CCSER1: variants seen among roughly 807,000 people sequenced by gnomAD.
CCSER1 encodes the protein coiled-coil serine rich protein 1.
A neutral mutation model predicts 82.0 loss-of-function variants in CCSER1; 41 were observed. The ratio of observed to expected loss-of-function variants is 0.50; its 90% CI spans 0.39 to 0.65. The LOEUF (loss-of-function observed/expected upper bound fraction) is 0.65, where lower values mean the gene tolerates loss of function less well. Ranked by LOEUF, CCSER1 falls within the 30% of genes least tolerant of loss-of-function variation. The probability of loss-of-function intolerance (pLI) is 0.00; values close to 1 mark genes in which losing one functional copy is unlikely to be tolerated. For missense variants in CCSER1, 1,119 were observed against 1,064.2 expected, an observed-to-expected ratio of 1.05 and a Z score of -0.72; for synonymous variants, 414 against 383.9, an observed-to-expected ratio of 1.08 and a Z score of -0.92.
intron 10 of CCSER1, among the ~76,000 whole-genome samples, chr4:91,311,281 G>A (rs991542914): frequency 8.6e-5 from 13 of 151,846 alleles, no homozygotes; most frequent in Admixed American, 2.0e-4. Flanking sequence ...AAAGTGGTCT[G>A]CAAACTTAGG....
chr4:90,730,224 A>G (rs1236864055), intron 7 of CCSER1, among the ~76,000 whole-genome samples: 1 of 152,224 alleles, frequency 6.6e-6, no homozygotes, highest in Non-Finnish European at 1.5e-5. Flanking sequence ...CATGACCTTC[A>G]CAACATCATC....
chr4:90,516,190 T>C (rs370953512), intron 5 of CCSER1, among the ~76,000 whole-genome samples: 1 of 152,134 alleles, frequency 6.6e-6, no homozygotes, highest in Non-Finnish European at 1.5e-5. Context: ...AGCCAGGTCA[T>C]GAATAAGAGA....
At chr4:91,379,300 T>A (rs1458399690) in intron 10 of CCSER1, among the ~76,000 whole-genome samples, 3 of 152,194 alleles carry the variant, frequency 2.0e-5, no homozygotes, top group African/African-American at 7.2e-5. Context: ...CTTTTTCTAT[T>A]GATTGGAATA....
chr4:91,435,277 A>C (rs913120891), intron 10 of CCSER1, among the ~76,000 whole-genome samples: 2 of 151,984 alleles, frequency 1.3e-5, no homozygotes, highest in Non-Finnish European at 2.9e-5. Flanking sequence ...CTGTCTCTAC[A>C]AAAAATATTT....
At chr4:90,542,068 G>A (rs1479124162) in intron 5 of CCSER1, among the ~76,000 whole-genome samples, 2 of 151,802 alleles carry the variant, frequency 1.3e-5, no homozygotes, top group Admixed American at 6.6e-5. Flanking sequence ...ATAGTCATAC[G>A]ACTCAATATT....
chr4:90,742,940 T>A (rs575768899), intron 7 of CCSER1, among the ~76,000 whole-genome samples: 1 of 152,314 alleles, frequency 6.6e-6, no homozygotes, highest in East Asian at 1.9e-4. Context: ...AATATTTTGA[T>A]TTTTTTAAGA....
intron 9 of CCSER1, among the ~76,000 whole-genome samples, chr4:90,945,373 A>G (rs1364150802): frequency 6.6e-6 from 1 of 152,134 alleles, no homozygotes; most frequent in Non-Finnish European, 1.5e-5. Flanking sequence ...TTCCTTCTTT[A>G]TTATGTCTTT....
At chr4:90,215,258 G>A (rs551847362) in intron 1 of CCSER1, among the ~76,000 whole-genome samples, 85 of 152,280 alleles carry the variant, frequency 5.6e-4, no homozygotes, top group African/African-American at 1.9e-3. Flanking sequence ...TTACATTGTA[G>A]CCTTTCTTTA....
chr4:90,905,171 T>C (rs747780949), intron 8 of CCSER1, among the ~76,000 whole-genome samples: 12 of 152,144 alleles, frequency 7.9e-5, no homozygotes, highest in Non-Finnish European at 1.8e-4. Context: ...CTAAATTTCC[T>C]TTCTCCGATA....
chr4:91,004,278 T>A (rs1738310579), intron 9 of CCSER1, among the ~76,000 whole-genome samples: 1 of 152,178 alleles, frequency 6.6e-6, no homozygotes, highest in African/African-American at 2.4e-5. Flanking sequence ...CTCATCTTAA[T>A]GGAAAGACGA....
intron 5 of CCSER1, among the ~76,000 whole-genome samples, chr4:90,489,395 G>A (rs894893740): frequency 2.0e-5 from 3 of 152,098 alleles, no homozygotes; most frequent in African/African-American, 7.2e-5. Flanking sequence ...CAGTTTTAGG[G>A]AGTATATAGG....
intron 6 of CCSER1, among the ~76,000 whole-genome samples, chr4:90,633,610 A>G (rs1388344684): frequency 6.6e-6 from 1 of 152,012 alleles, no homozygotes; most frequent in Non-Finnish European, 1.5e-5. Context: ...TTTTGTTTTC[A>G]CTGAACATCA....
At chr4:91,073,915 A>AT (rs907660378) in intron 9 of CCSER1, among the ~76,000 whole-genome samples, 7 of 152,048 alleles carry the variant, frequency 4.6e-5, no homozygotes, top group African/African-American at 7.2e-5. Context: ...ATAATCATCA[A>AT]TTTTTTACCA....
At chr4:91,580,984 C>A (rs1229554550) in intron 10 of CCSER1, among the ~76,000 whole-genome samples, 1 of 151,640 alleles carries the variant, frequency 6.6e-6, no homozygotes, top group Non-Finnish European at 1.5e-5. Flanking sequence ...AAACCAAAAA[C>A]TATCTGTCTC....
chr4:91,382,500 C>G (rs1271178815), intron 10 of CCSER1, among the ~76,000 whole-genome samples: 1 of 152,212 alleles, frequency 6.6e-6, no homozygotes, highest in Non-Finnish European at 1.5e-5. Context: ...ATGGGACCCT[C>G]TGAGCCAGGC....
chr4:90,747,456 TA>T (rs755557934), intron 7 of CCSER1, among the ~76,000 whole-genome samples: 87 of 152,018 alleles, frequency 5.7e-4, no homozygotes, highest in African/African-American at 2.0e-3. Flanking sequence ...CTGGAGGGGA[TA>T]AACTGCGGAG....
intron 6 of CCSER1, among the ~76,000 whole-genome samples, chr4:90,697,616 T>C (rs1445491533): frequency 6.6e-6 from 1 of 152,148 alleles, no homozygotes; most frequent in Non-Finnish European, 1.5e-5. Flanking sequence ...GCTATCCGCA[T>C]AAACCTTTAG....
At chr4:90,620,511 G>A (rs1241468015) in intron 5 of CCSER1, among the ~76,000 whole-genome samples, 1 of 152,124 alleles carries the variant, frequency 6.6e-6, no homozygotes, top group East Asian at 1.9e-4. Flanking sequence ...AGAAACACAA[G>A]TACTGTCCCT....
intron 8 of CCSER1, chr4:90,911,376 T>C: frequency 2.2e-6 from 1 of 455,874 alleles, no homozygotes; most frequent in Non-Finnish European, 4.4e-6. Flanking sequence ...CAATGATCAA[T>C]GTGATCTGTA....
Sources: allele counts gnomAD v4.1 joint callset (sites outside exome capture counted in the v4.1 genomes callset), GRCh38; gene constraint gnomAD v4.1.1; transcripts MANE v1.5; gene names NCBI Gene and HGNC (gene_info 2026-07-23, HGNC 2026-07-21).